The following SPMAP2 variants were observed in gnomAD, a reference collection of about 807,000 sequenced individuals.
SPMAP2 encodes Theg homolog.
At chr19:372,272 A>G in the SPMAP2 span, among the ~76,000 whole-genome samples, 1 of 152,284 alleles carries the variant, frequency 6.6e-6, no homozygotes, top group African/African-American at 2.4e-5. Context: ...TTGTACATAA[A>G]ATACTAATGT....
chr19:370,557 A>C, the SPMAP2 span, among the ~76,000 whole-genome samples: 7 of 147,376 alleles, frequency 4.7e-5, no homozygotes, highest in Non-Finnish European at 1.0e-4. Flanking sequence ...TCACCATGTT[A>C]GCCAGGATGG....
the SPMAP2 span, chr19:375,782 C>T: frequency 2.5e-6 from 4 of 1,610,042 alleles, no homozygotes; most frequent in Admixed American, 1.7e-5. Flanking sequence ...CGGGGGGAAG[C>T]TCCTCTTCTG....
the SPMAP2 span, among the ~76,000 whole-genome samples, chr19:366,880 CT>C: frequency 1.2e-3 from 183 of 152,290 alleles, 2 homozygotes; most frequent in African/African-American, 4.2e-3. Flanking sequence ...TCTTCTACAC[CT>C]TTTTTTCCTG....
At chr19:364,868 G>A in the SPMAP2 span, among the ~76,000 whole-genome samples, 1 of 152,282 alleles carries the variant, frequency 6.6e-6, no homozygotes, top group East Asian at 1.9e-4. Context: ...AGCCGGGGCT[G>A]TCCTCTACCT....
the SPMAP2 span, chr19:373,887 C>T: frequency 6.4e-7 from 1 of 1,557,680 alleles, no homozygotes; most frequent in African/African-American, 1.4e-5. Context: ...TCCCCTGGAA[C>T]CTGACACGTG....
the SPMAP2 span, among the ~76,000 whole-genome samples, chr19:369,765 T>C: frequency 6.6e-6 from 1 of 152,200 alleles, no homozygotes; most frequent in African/African-American, 2.4e-5. Flanking sequence ...TTAAGAGCAA[T>C]GTTTTGCGGG....
the SPMAP2 span, among the ~76,000 whole-genome samples, chr19:363,977 C>T: frequency 4.6e-5 from 7 of 152,262 alleles, no homozygotes; most frequent in East Asian, 1.4e-3. Context: ...GCTGGGGCTA[C>T]AGTCATATGC....
chr19:375,602 C>T, the SPMAP2 span: 228 of 1,450,432 alleles, frequency 1.6e-4, no homozygotes, highest in African/African-American at 2.9e-3. Context: ...GCCCTCCCCC[C>T]ACTGCCAGGG....
At chr19:366,013 C>A in the SPMAP2 span, among the ~76,000 whole-genome samples, 3 of 152,080 alleles carry the variant, frequency 2.0e-5, no homozygotes, top group Admixed American at 6.6e-5. Flanking sequence ...TGATGGCAGG[C>A]TCCCGTAGTC....
At chr19:370,352 T>G in the SPMAP2 span, among the ~76,000 whole-genome samples, 19 of 152,010 alleles carry the variant, frequency 1.2e-4, no homozygotes, top group East Asian at 3.9e-4. Flanking sequence ...GTTTTGTTTT[T>G]TTTTTTTGAG....
the SPMAP2 span, among the ~76,000 whole-genome samples, chr19:369,133 G>A: frequency 8.5e-5 from 13 of 152,290 alleles, no homozygotes; most frequent in African/African-American, 2.4e-4. Flanking sequence ...CTTTAAACAC[G>A]TTTAACTTTA....
At chr19:375,523 G>A in the SPMAP2 span, 239 of 936,948 alleles carry the variant, frequency 2.6e-4, 1 homozygote, top group Middle Eastern at 3.4e-4. Context: ...CGGCAGGGCC[G>A]GGCCCCTCGG....
the SPMAP2 span, among the ~76,000 whole-genome samples, chr19:375,494 G>A: frequency 1.3e-5 from 2 of 152,128 alleles, no homozygotes; most frequent in East Asian, 1.9e-4. Flanking sequence ...AACCGACCAA[G>A]CCCACACCTA....
At chr19:375,163 C>A in the SPMAP2 span, among the ~76,000 whole-genome samples, 1 of 152,218 alleles carries the variant, frequency 6.6e-6, no homozygotes, top group Non-Finnish European at 1.5e-5. Context: ...ACTCCAGCAA[C>A]TGCCCAAAAT....
the SPMAP2 span, among the ~76,000 whole-genome samples, chr19:364,299 T>C: frequency 6.1e-5 from 8 of 130,236 alleles, no homozygotes; most frequent in African/African-American, 8.9e-5. Context: ...ATCGCGCCAC[T>C]GCGCTCCAGC....
At chr19:372,573 T>A in the SPMAP2 span, 1 of 1,550,252 alleles carries the variant, frequency 6.5e-7, no homozygotes, top group South Asian at 1.1e-5. Context: ...CAGGCGAGAA[T>A]AAGGCATTTC....
At chr19:373,977 A>G in the SPMAP2 span, 8 of 1,613,636 alleles carry the variant, frequency 5.0e-6, no homozygotes, top group Non-Finnish European at 6.8e-6. Flanking sequence ...TTACATGGGG[A>G]GATCCAGGCA....
chr19:362,158 C>T, the SPMAP2 span: 12 of 1,371,014 alleles, frequency 8.8e-6, no homozygotes, highest in East Asian at 2.7e-5. Context: ...ATCACATACA[C>T]AGGGTTAGGG....
the SPMAP2 span, chr19:373,673 G>C: frequency 2.7e-6 from 2 of 730,556 alleles, no homozygotes; most frequent in Non-Finnish European, 4.7e-6. Context: ...AAGGACAGTG[G>C]GGGGGCCGGC....
Sources: allele counts gnomAD v4.1 joint callset (sites outside exome capture counted in the v4.1 genomes callset), GRCh38; gene constraint gnomAD v4.1.1; transcripts MANE v1.5; gene names NCBI Gene and HGNC (gene_info 2026-07-23, HGNC 2026-07-21).